Variants in GBE1 observed in about 807,000 individuals in gnomAD.
The protein encoded by GBE1 is 1,4-alpha-glucan-branching enzyme.
In GBE1, 70 loss-of-function variants were observed where a neutral mutation model predicts 88.8. The observed-to-expected ratio is 0.79, with a 90% CI of 0.65 to 0.96. The LOEUF (loss-of-function observed/expected upper bound fraction) is 0.96, where lower values mean the gene tolerates loss of function less well. GBE1 is among the 40% of genes least tolerant of loss of function. The pLI is 0.00. For synonymous variants in GBE1, 284 were observed against 300.1 expected, an observed-to-expected ratio of 0.95 and a Z score of 0.56; for missense variants, 872 against 871.0, an observed-to-expected ratio of 1.00 and a Z score of -0.01.
chr3:81,642,980 T>G lies in GBE1; in HGVS notation c.793A>C (p.Thr265Pro). The change falls in exon 7 of 16, where the codon ACA becomes CCA. Residue 265 changes from threonine (T) to proline (P), a missense_variant. Physicochemically the swap from Thr to Pro is conservative, Grantham distance 38. Coordinates refer to ENST00000429644, the MANE Select transcript of GBE1 (RefSeq NM_000158.4). ...SFFAASSRYG[T>P]PEELQELVDT... ...ACCAGTTCTTGTAGCTCTTCAGGTG[T>G]TCCATAACGGCTAACAATGAAGAAC... 1 of 1,607,210 alleles carries G rather than the reference T, an allele frequency of 6.2e-7. No homozygotes were observed. Among genetic ancestry groups the G allele is most frequent in the Non-Finnish European group, 8.5e-7 (1 of 1,175,758 alleles).
At chr3:81,536,456 G>A (rs1703074458) in intron 13 of GBE1, among the ~76,000 whole-genome samples, 1 of 151,382 alleles carries the variant, frequency 6.6e-6, no homozygotes. Flanking sequence ...CAGGTATAAT[G>A]GCATCTATTG....
intron 10 of GBE1, among the ~76,000 whole-genome samples, chr3:81,581,936 T>C (rs1421923657): frequency 6.6e-6 from 1 of 152,054 alleles, no homozygotes; most frequent in Non-Finnish European, 1.5e-5. Context: ...ATACTTGCTA[T>C]ACATATTGAC....
chr3:81,617,183 T>C (rs1437507969), intron 7 of GBE1, among the ~76,000 whole-genome samples: 2 of 151,900 alleles, frequency 1.3e-5, no homozygotes, highest in Non-Finnish European at 2.9e-5. Flanking sequence ...AAAGTTTTAT[T>C]TATCCATTCT....
At chr3:81,616,417 T>C (rs941560625) in intron 7 of GBE1, among the ~76,000 whole-genome samples, 47 of 152,294 alleles carry the variant, frequency 3.1e-4, no homozygotes, top group Admixed American at 2.7e-3. Context: ...TTTATTTCTA[T>C]GGATGTCCAA....
At chr3:81,582,801 A>G (rs988569896) in intron 10 of GBE1, among the ~76,000 whole-genome samples, 6 of 152,124 alleles carry the variant, frequency 3.9e-5, no homozygotes, top group Non-Finnish European at 2.9e-5. Flanking sequence ...ACATTTAGTA[A>G]AAACCATAAG....
At chr3:81,660,321 T>C (rs1315510099) in intron 3 of GBE1, among the ~76,000 whole-genome samples, 1 of 152,196 alleles carries the variant, frequency 6.6e-6, no homozygotes, top group Non-Finnish European at 1.5e-5. Flanking sequence ...ACAATGAAGC[T>C]TGCTACTTTC....
intron 7 of GBE1, among the ~76,000 whole-genome samples, chr3:81,602,297 G>T (rs1043381206): frequency 3.3e-5 from 5 of 152,082 alleles, no homozygotes; most frequent in Admixed American, 2.0e-4. Flanking sequence ...GTTAACATAG[G>T]ACTTCCTTTA....
intron 14 of GBE1, among the ~76,000 whole-genome samples, chr3:81,510,506 G>A (rs1030638085): frequency 2.6e-5 from 4 of 152,064 alleles, no homozygotes; most frequent in Non-Finnish European, 5.9e-5. Context: ...GTGCATATCT[G>A]CATCATCACT....
chr3:81,706,043 T>A (rs1249048903), intron 1 of GBE1, among the ~76,000 whole-genome samples: 2 of 152,138 alleles, frequency 1.3e-5, no homozygotes, highest in Admixed American at 6.6e-5. Flanking sequence ...TGGCAAACTT[T>A]TCCTGTAAAG....
intron 2 of GBE1, among the ~76,000 whole-genome samples, chr3:81,691,597 C>T (rs1218936891): frequency 6.6e-6 from 1 of 151,854 alleles, no homozygotes; most frequent in African/African-American, 2.4e-5. Context: ...GGCAACATAC[C>T]AAGACACTCC....
chr3:81,552,814 C>CA (rs996370432), intron 12 of GBE1, among the ~76,000 whole-genome samples: 1 of 151,836 alleles, frequency 6.6e-6, no homozygotes, highest in Non-Finnish European at 1.5e-5. Flanking sequence ...AAAATAAAAG[C>CA]AAAGTCATTT....
chr3:81,754,319 A>C (rs1172310394), intron 1 of GBE1, among the ~76,000 whole-genome samples: 2 of 152,140 alleles, frequency 1.3e-5, no homozygotes, highest in Non-Finnish European at 2.9e-5. Context: ...AGGACACCAA[A>C]AAATGGGAAG....
chr3:81,721,142 G>GTA (rs1326441272), intron 1 of GBE1, among the ~76,000 whole-genome samples: 1 of 102,922 alleles, frequency 9.7e-6, no homozygotes, highest in Non-Finnish European at 1.8e-5. Context: ...CATGGCACAT[G>GTA]TATACATATG....
intron 2 of GBE1, among the ~76,000 whole-genome samples, chr3:81,700,782 C>G (rs1705676237): frequency 1.3e-5 from 2 of 152,068 alleles, no homozygotes; most frequent in Non-Finnish European, 2.9e-5. Flanking sequence ...TCAGTGGTTC[C>G]TTTTTCTATA....
At chr3:81,724,180 A>G (rs1706076916) in intron 1 of GBE1, among the ~76,000 whole-genome samples, 1 of 152,220 alleles carries the variant, frequency 6.6e-6, no homozygotes, top group Non-Finnish European at 1.5e-5. Flanking sequence ...GCTATAATTG[A>G]GAAAAGCCCA....
At chr3:81,735,198 G>A (rs1169680801) in intron 1 of GBE1, among the ~76,000 whole-genome samples, 1 of 152,136 alleles carries the variant, frequency 6.6e-6, no homozygotes, top group African/African-American at 2.4e-5. Flanking sequence ...GCAACTAAGA[G>A]TCACTCTCTG....
At chr3:81,728,925 A>C (rs1706151568) in intron 1 of GBE1, among the ~76,000 whole-genome samples, 1 of 149,454 alleles carries the variant, frequency 6.7e-6, no homozygotes, top group African/African-American at 2.5e-5. Context: ...TTTGCACACC[A>C]CTCTCTGACT....
rs1398858488 is a variant in GBE1, at chr3:81,680,413, G to A, written c.314-9460C>T. On this transcript the variant is annotated intron_variant, in intron 2 of 15. Transcript: ENST00000429644. ...CAGGAAGCTGAGGCAGGAGAATGGC[G>A]TGAACCCGGGAGGCGGAGCTTGCAG... is the stretch of plus-strand genomic sequence containing the variant. 4.6e-5 allele frequency among the ~76,000 whole-genome samples: 7 copies of A among 151,244 alleles called. No individual in the cohort carries two copies. In the South Asian group the frequency reaches 6.3e-4, roughly 14 times the overall value.
At chr3:81,624,509 T>G (rs1309709494) in intron 7 of GBE1, among the ~76,000 whole-genome samples, 2 of 152,180 alleles carry the variant, frequency 1.3e-5, no homozygotes, top group African/African-American at 2.4e-5. Flanking sequence ...ACTTCCCACT[T>G]GCACAGTCTA....
Sources: gnomAD v4.1 joint callset for allele counts (sites outside exome capture counted in the v4.1 genomes callset) on GRCh38, gnomAD v4.1.1 for gene constraint, MANE v1.5 for transcripts, NCBI Gene and HGNC (gene_info 2026-07-23, HGNC 2026-07-21) for gene names.